RORA: variants seen among roughly 807,000 people sequenced by gnomAD.
RORA encodes the protein nuclear receptor ROR-alpha.
Under a neutral mutation model 69.5 loss-of-function variants are expected in RORA, and 7 were observed. The observed-to-expected ratio is 0.10, with a 90% CI of 0.06 to 0.19. The LOEUF is 0.19. RORA is among the 10% of genes least tolerant of loss of function. The pLI, the probability that RORA is intolerant of heterozygous loss-of-function variation, is 1.00. For missense variants in RORA, 457 were observed against 663.0 expected (o/e 0.69, Z 3.41); for synonymous variants, 261 against 240.8 (o/e 1.08, Z -0.78).
intron 1 of RORA, among the ~76,000 whole-genome samples, chr15:61,045,182 G>A (rs8034800): frequency 0.012 from 1,848 of 152,244 alleles, 34 homozygotes; most frequent in African/African-American, 0.042. Flanking sequence ...AATCATGGGG[G>A]TGGGTCTTTC....
At position 61,014,107 on chromosome 15, in the gene RORA, C is replaced by G. The variant is rs531509155; in HGVS notation, c.166+214946G>C. Among the ~76,000 whole-genome samples, 8 of 152,252 alleles carry G rather than the reference C, an allele frequency of 5.3e-5. No individual in the cohort carries two copies. In the South Asian group the frequency reaches 8.3e-4, roughly 16 times the overall value. Reference sequence around the variant, plus strand: ...CGGGTTGGCTTTTTAAATAACAGCTCTGTAATGAAGTACTCTTGGTCAAGT... The same window carrying G: ...CGGGTTGGCTTTTTAAATAACAGCTGTGTAATGAAGTACTCTTGGTCAAGT... On this transcript the variant is annotated intron_variant, in intron 1 of 10. Coordinates refer to ENST00000335670, the MANE Select transcript of RORA (RefSeq NM_134261.3).
intron 1 of RORA, among the ~76,000 whole-genome samples, chr15:61,003,757 T>C (rs1204560743): frequency 6.6e-6 from 1 of 152,184 alleles, no homozygotes; most frequent in African/African-American, 2.4e-5. Context: ...ACAGGACTGC[T>C]TTTAGAAGAA....
At position 60,832,970 on chromosome 15, in the gene RORA, T is replaced by C. The variant is rs568992506; in HGVS notation, c.167-154284A>G. Reference sequence around the variant, plus strand: ...CCCAGGCTGGAGTGCAGTGGCGTGATCTCGGCTCACTGCAAGCTCCGCCTC... The same window carrying C: ...CCCAGGCTGGAGTGCAGTGGCGTGACCTCGGCTCACTGCAAGCTCCGCCTC... On this transcript the variant is annotated intron_variant, in intron 1 of 10. Coordinates refer to ENST00000335670, the MANE Select transcript of RORA (RefSeq NM_134261.3). Among the ~76,000 whole-genome samples, 6 of 152,122 alleles carry C rather than the reference T, an allele frequency of 3.9e-5. No homozygotes were observed. In the East Asian group the frequency reaches 1.2e-3, roughly 29 times the overall value.
intron 1 of RORA, among the ~76,000 whole-genome samples, chr15:60,975,882 A>G (rs947966063): frequency 1.3e-5 from 2 of 152,116 alleles, no homozygotes; most frequent in Non-Finnish European, 2.9e-5. Flanking sequence ...ATACACCCAC[A>G]TCTCAGTTCC....
chr15:61,055,847 A>T (rs1201961594), intron 1 of RORA, among the ~76,000 whole-genome samples: 1 of 152,032 alleles, frequency 6.6e-6, no homozygotes, highest in Non-Finnish European at 1.5e-5. Context: ...ACGTCATGAC[A>T]CTCTTCCTCA....
intron 1 of RORA, among the ~76,000 whole-genome samples, chr15:60,729,715 T>C (rs1053976809): frequency 3.9e-5 from 6 of 152,226 alleles, no homozygotes; most frequent in Admixed American, 2.0e-4. Context: ...ACAAATGGCA[T>C]TGAATCCAAC....
intron 3 of RORA, among the ~76,000 whole-genome samples, chr15:60,518,988 C>T (rs1364495467): frequency 1.3e-5 from 2 of 152,194 alleles, no homozygotes; most frequent in African/African-American, 4.8e-5. Flanking sequence ...AGACCACATT[C>T]ACATAACTTT....
chr15:61,223,132 G>A (rs1230128528), intron 1 of RORA, among the ~76,000 whole-genome samples: 1 of 151,902 alleles, frequency 6.6e-6, no homozygotes, highest in Non-Finnish European at 1.5e-5. Context: ...TGGGCAACAT[G>A]GTGAAACCCC....
At chr15:60,928,941 T>G (rs1432572660) in intron 1 of RORA, among the ~76,000 whole-genome samples, 2 of 152,136 alleles carry the variant, frequency 1.3e-5, no homozygotes, top group Non-Finnish European at 2.9e-5. Context: ...TTTCTTTTCT[T>G]TCTTTCTTCT....
intron 2 of RORA, among the ~76,000 whole-genome samples, chr15:60,628,972 C>G (rs2069662068): frequency 2.0e-5 from 3 of 152,128 alleles, no homozygotes. Flanking sequence ...TTTCCCTGAG[C>G]TAGGATCTGC....
chr15:60,933,300 C>T (rs2140502659), intron 1 of RORA, among the ~76,000 whole-genome samples: 1 of 152,238 alleles, frequency 6.6e-6, no homozygotes, highest in East Asian at 1.9e-4. Context: ...TATTATTCTC[C>T]CTGTAGCCTA....
At chr15:61,133,744 C>T (rs896327278) in intron 1 of RORA, among the ~76,000 whole-genome samples, 8 of 152,210 alleles carry the variant, frequency 5.3e-5, no homozygotes, top group Admixed American at 5.2e-4. Context: ...TGACTGGGTG[C>T]TGTGGCATTA....
At chr15:60,634,804 CTCTT>C (rs1352791872) in intron 2 of RORA, among the ~76,000 whole-genome samples, 1 of 152,154 alleles carries the variant, frequency 6.6e-6, no homozygotes, top group Non-Finnish European at 1.5e-5. Context: ...TCATTTCTCT[CTCTT>C]TGTCTTTTGC....
At chr15:60,994,368 G>A (rs566425528) in intron 1 of RORA, among the ~76,000 whole-genome samples, 63 of 152,286 alleles carry the variant, frequency 4.1e-4, no homozygotes, top group Admixed American at 1.2e-3. Flanking sequence ...TTCTGCTACC[G>A]ATTTTCTTTA....
At chr15:60,801,304 C>A (rs1206685034) in intron 1 of RORA, among the ~76,000 whole-genome samples, 1 of 152,158 alleles carries the variant, frequency 6.6e-6, no homozygotes, top group Non-Finnish European at 1.5e-5. Context: ...TCCCAGGTTT[C>A]CACACCCTCC....
chr15:61,002,935 T>C (rs996872858), intron 1 of RORA, among the ~76,000 whole-genome samples: 3 of 147,596 alleles, frequency 2.0e-5, no homozygotes, highest in African/African-American at 7.6e-5. Flanking sequence ...TTCGAGACCA[T>C]CTTGCCTAAC....
At chr15:60,962,578 TCTC>T (rs1893445610) in intron 1 of RORA, among the ~76,000 whole-genome samples, 1 of 152,164 alleles carries the variant, frequency 6.6e-6, no homozygotes, top group Non-Finnish European at 1.5e-5. Context: ...TGCTCCCCGC[TCTC>T]CTCCACTTTA....
chr15:61,199,005 C>T (rs996676745), intron 1 of RORA, among the ~76,000 whole-genome samples: 5 of 152,194 alleles, frequency 3.3e-5, no homozygotes, highest in African/African-American at 1.2e-4. Context: ...GCCCATCTCT[C>T]CTTTTCTAAA....
intron 1 of RORA, among the ~76,000 whole-genome samples, chr15:60,854,422 G>A (rs575319951): frequency 6.6e-6 from 1 of 152,090 alleles, no homozygotes; most frequent in Non-Finnish European, 1.5e-5. Context: ...CTGAGGTAAC[G>A]TTGTTTTTCT....
Sources: allele counts gnomAD v4.1 joint callset (sites outside exome capture counted in the v4.1 genomes callset), GRCh38; gene constraint gnomAD v4.1.1; transcripts MANE v1.5; gene names NCBI Gene and HGNC (gene_info 2026-07-23, HGNC 2026-07-21).